The following EDC3 variants were observed in gnomAD, a reference collection of about 807,000 sequenced individuals.
EDC3 encodes the protein enhancer of mRNA decapping 3.
Under a neutral mutation model 41.8 loss-of-function variants are expected in EDC3, and 20 were observed. The ratio of observed to expected loss-of-function variants is 0.48; its 90% CI spans 0.34 to 0.70. The LOEUF (loss-of-function observed/expected upper bound fraction) is 0.70, where lower values mean the gene tolerates loss of function less well. Among genes scored for constraint, EDC3 ranks in the 30% least tolerant of loss-of-function variants. EDC3 has a pLI of 0.01. For synonymous variants in EDC3, 206 were observed against 243.2 expected, an observed-to-expected ratio of 0.85 and a Z score of 1.42; for missense variants, 444 against 636.8, an observed-to-expected ratio of 0.70 and a Z score of 3.26.
At chr15:74,658,689 C>A (rs2062582072) in intron 3 of EDC3, among the ~76,000 whole-genome samples, 1 of 149,718 alleles carries the variant, frequency 6.7e-6, no homozygotes, top group Admixed American at 6.7e-5. Context: ...GCCTGTAATC[C>A]CAGCACTTTG....
chr15:74,688,930 A>C (rs1479204572), intron 1 of EDC3, among the ~76,000 whole-genome samples: 2 of 150,954 alleles, frequency 1.3e-5, no homozygotes, highest in Non-Finnish European at 2.9e-5. Context: ...AAAAAAGTAC[A>C]TTTGTGAGAT....
intron 4 of EDC3, among the ~76,000 whole-genome samples, chr15:74,649,472 C>T (rs796340088): frequency 3.3e-5 from 5 of 152,078 alleles, no homozygotes; most frequent in African/African-American, 9.6e-5. Flanking sequence ...CTCAGAGGCC[C>T]CTAAGGTGAT....
chr15:74,638,934 CTCTT>C (rs770847883), intron 5 of EDC3: 18 of 151,536 alleles, frequency 1.2e-4, no homozygotes, highest in East Asian at 3.9e-4. Context: ...CTGTCCACTT[CTCTT>C]TCTAAGAGAC....
intron 6 of EDC3, 82 bp downstream of exon 6, chr15:74,635,327 G>T: frequency 7.4e-7 from 1 of 1,352,628 alleles, no homozygotes. Context: ...CTTTCCACCT[G>T]TCGCCACTGG....
intron 3 of EDC3, among the ~76,000 whole-genome samples, chr15:74,664,051 AC>A (rs1452761674): frequency 9.2e-5 from 14 of 152,244 alleles, no homozygotes; most frequent in Non-Finnish European, 1.0e-4. Context: ...TGAGACATAG[AC>A]ACTAAGGACT....
At chr15:74,636,186 T>C (rs927025100) in intron 5 of EDC3, 2 of 156,194 alleles carry the variant, frequency 1.3e-5, no homozygotes, top group South Asian at 2.0e-4. Flanking sequence ...GCAAGTACCA[T>C]AGCTCTCCAT....
At chr15:74,674,239 C>A (rs2062775518) in intron 2 of EDC3, among the ~76,000 whole-genome samples, 3 of 152,018 alleles carry the variant, frequency 2.0e-5, no homozygotes. Context: ...GGAGTAGCTG[C>A]GATTACAGGC....
intron 4 of EDC3, among the ~76,000 whole-genome samples, chr15:74,654,735 T>C (rs1200713531): frequency 2.0e-5 from 3 of 151,536 alleles, no homozygotes; most frequent in African/African-American, 4.9e-5. Context: ...GGAAAGCACA[T>C]GCAAGCTACT....
At chr15:74,651,389 A>C (rs1171916719) in intron 4 of EDC3, among the ~76,000 whole-genome samples, 1 of 152,192 alleles carries the variant, frequency 6.6e-6, no homozygotes, top group Non-Finnish European at 1.5e-5. Context: ...CAAAGAGCTA[A>C]ATTTAGTTGC....
intron 4 of EDC3, among the ~76,000 whole-genome samples, chr15:74,654,341 G>C (rs754750552): frequency 6.6e-6 from 1 of 152,080 alleles, no homozygotes; most frequent in Non-Finnish European, 1.5e-5. Flanking sequence ...GCAGCACTTG[G>C]ACTACAGATA....
chr15:74,682,573 G>C (rs1367063131), intron 1 of EDC3, among the ~76,000 whole-genome samples: 1 of 148,002 alleles, frequency 6.8e-6, no homozygotes, highest in Non-Finnish European at 1.5e-5. Flanking sequence ...AGCCGAGATG[G>C]GGCCACTGCA....
chr15:74,671,292 G>A lies in EDC3; in HGVS notation c.484+163C>T, dbSNP rs976020943. 2.4e-4 allele frequency among the ~76,000 whole-genome samples: 37 copies of A among 152,174 alleles called. No individual in the cohort carries two copies. Among genetic ancestry groups the A allele is most frequent in the Non-Finnish European group, 7.4e-5 (5 of 68,020 alleles). On this transcript the variant is annotated intron_variant, in intron 3 of 6. Transcript: ENST00000315127. This position sits in a 1 kb window ranked among gnomAD's most constrained non-coding sequence, Gnocchi z 4.6. ...TATTTCCTTTCCCTTAACATCTTGA[G>A]GAATGAGGCCTGGAGGAAGAGAACC... is the stretch of plus-strand genomic sequence containing the variant.
At chr15:74,672,160 T>C (rs1298447981) in intron 2 of EDC3, among the ~76,000 whole-genome samples, 1 of 150,124 alleles carries the variant, frequency 6.7e-6, no homozygotes, top group Non-Finnish European at 1.5e-5. Flanking sequence ...TCCCAGCTAC[T>C]TGGGAGGCTG....
At chr15:74,672,600 G>A (rs1358493370) in intron 2 of EDC3, among the ~76,000 whole-genome samples, 1 of 152,156 alleles carries the variant, frequency 6.6e-6, no homozygotes, top group Non-Finnish European at 1.5e-5. Context: ...CGAATCACTT[G>A]AGGCCAGGAG....
chr15:74,634,787 C>T (rs139571306), intron 6 of EDC3, among the ~76,000 whole-genome samples: 2 of 152,334 alleles, frequency 1.3e-5, no homozygotes, highest in Non-Finnish European at 2.9e-5. Context: ...ATCACAACAG[C>T]ATCTTGACAC....
At chr15:74,677,674 T>C (rs746340538) in intron 1 of EDC3, among the ~76,000 whole-genome samples, 4 of 152,174 alleles carry the variant, frequency 2.6e-5, no homozygotes, top group Non-Finnish European at 5.9e-5. Flanking sequence ...CTAGCTTGCA[T>C]ATGCATATTA....
chr15:74,675,289 A>C (rs1444273667), intron 1 of EDC3, 147 bp from the exon 2 acceptor site: 3 of 647,106 alleles, frequency 4.6e-6, no homozygotes, highest in Non-Finnish European at 7.0e-6. Context: ...ATCTTAAAAA[A>C]ATTAAAATTT....
intron 1 of EDC3, among the ~76,000 whole-genome samples, chr15:74,693,539 A>C (rs1349051431): frequency 6.6e-6 from 1 of 152,222 alleles, no homozygotes; most frequent in East Asian, 1.9e-4. Context: ...TATATAAAGA[A>C]AGTGATGAAA....
intron 4 of EDC3, among the ~76,000 whole-genome samples, chr15:74,650,619 T>C (rs1304748377): frequency 1.3e-5 from 2 of 152,230 alleles, no homozygotes; most frequent in Non-Finnish European, 1.5e-5. Flanking sequence ...GCAAGGACTA[T>C]CTTAGAGTCA....
Sources: gnomAD v4.1 joint callset for allele counts (sites outside exome capture counted in the v4.1 genomes callset) on GRCh38, gnomAD v4.1.1 for gene constraint, Gnocchi (gnomAD v3.1) non-coding constraint, MANE v1.5 for transcripts, NCBI Gene and HGNC (gene_info 2026-07-23, HGNC 2026-07-21) for gene names.